The following KCND3 variants were observed in gnomAD, a reference collection of about 807,000 sequenced individuals.
KCND3 encodes A-type voltage-gated potassium channel KCND3.
A neutral mutation model predicts 51.1 loss-of-function variants in KCND3; 9 were observed. That is an observed-to-expected ratio of 0.18 (90% CI 0.11 to 0.31). The LOEUF is 0.31. Among genes scored for constraint, KCND3 ranks in the 10% least tolerant of loss-of-function variants. KCND3 has a pLI of 1.00. For synonymous variants in KCND3, 349 were observed against 368.0 expected (o/e 0.95, Z 0.59); for missense variants, 526 against 903.8 (o/e 0.58, Z 5.36).
At chr1:111,792,437 A>G (rs113236025) in intron 2 of KCND3, among the ~76,000 whole-genome samples, 4 of 152,316 alleles carry the variant, frequency 2.6e-5, no homozygotes, top group African/African-American at 9.6e-5. Flanking sequence ...AGGGAAGGAC[A>G]GAAGGGGAAG....
chr1:111,798,894 C>A (rs918015052), intron 2 of KCND3, among the ~76,000 whole-genome samples: 13 of 151,806 alleles, frequency 8.6e-5, no homozygotes, highest in Admixed American at 3.9e-4. Flanking sequence ...ATCTATCTCA[C>A]CTCCAATAAA....
At chr1:111,891,270 G>C (rs1669808441) in intron 2 of KCND3, among the ~76,000 whole-genome samples, 1 of 152,204 alleles carries the variant, frequency 6.6e-6, no homozygotes, top group African/African-American at 2.4e-5. Context: ...ATGGGCAAGA[G>C]ATGAATCAGA....
intron 2 of KCND3, among the ~76,000 whole-genome samples, chr1:111,816,739 C>T (rs1221237801): frequency 2.6e-5 from 4 of 152,246 alleles, no homozygotes; most frequent in Non-Finnish European, 5.9e-5. Flanking sequence ...TGTCTCAACT[C>T]ATACAACTAT....
chr1:111,961,164 G>A (rs750033812), intron 2 of KCND3, among the ~76,000 whole-genome samples: 8 of 152,196 alleles, frequency 5.3e-5, no homozygotes, highest in Non-Finnish European at 7.4e-5. Flanking sequence ...ATTCTGGCTG[G>A]CCACAGAGGG....
intron 7 of KCND3, 66 bp downstream of exon 7, chr1:111,776,960 C>CA: frequency 6.2e-7 from 1 of 1,609,008 alleles, no homozygotes; most frequent in Admixed American, 1.7e-5. Context: ...CCTAATGCTG[C>CA]AATTGTCTAA....
chr1:111,901,786 A>T (rs938588438), intron 2 of KCND3, among the ~76,000 whole-genome samples: 5 of 152,138 alleles, frequency 3.3e-5, no homozygotes, highest in African/African-American at 1.2e-4. Flanking sequence ...CAGGTTGTCC[A>T]CAGGCACCTC....
chr1:111,971,005 A>C (rs928545524), intron 2 of KCND3, among the ~76,000 whole-genome samples: 7 of 152,132 alleles, frequency 4.6e-5, no homozygotes, highest in Non-Finnish European at 7.4e-5. Flanking sequence ...TTTTTCTCCA[A>C]GGGAAAGGAA....
In KCND3 at chr1:111,944,108, A is replaced by G. The variant is rs568663102; in HGVS notation, c.1106+37513T>C. On this transcript the variant is annotated intron_variant, in intron 2 of 7. Transcript: ENST00000302127. ...ATATAAAAGAGGAGGGGAAAACTAC[A>G]TTAAAAATCCAATCAAGTGGCTGCC... is the stretch of plus-strand genomic sequence containing the variant. Among the ~76,000 whole-genome samples, 596 of 152,356 alleles carry G rather than the reference A, an allele frequency of 3.9e-3. 1 individual carries two copies. The highest frequency in any genetic ancestry group is 7.0e-3 in the Non-Finnish European group (476 of 68,028).
chr1:111,866,891 G>A (rs1169734129), intron 2 of KCND3, among the ~76,000 whole-genome samples: 1 of 152,190 alleles, frequency 6.6e-6, no homozygotes, highest in Non-Finnish European at 1.5e-5. Context: ...ACCAGTGCCA[G>A]CACCATTGGA....
chr1:111,951,868 G>A (rs1179597526), intron 2 of KCND3, among the ~76,000 whole-genome samples: 1 of 152,266 alleles, frequency 6.6e-6, no homozygotes, highest in East Asian at 1.9e-4. Context: ...GATAGTGTGG[G>A]AAGACGGAGA....
chr1:111,904,532 T>C (rs1670548540), intron 2 of KCND3, among the ~76,000 whole-genome samples: 1 of 152,186 alleles, frequency 6.6e-6, no homozygotes, highest in Non-Finnish European at 1.5e-5. Context: ...AATTGAGGAA[T>C]GTTAAGCCTT....
chr1:111,963,062 A>G (rs542411198), intron 2 of KCND3, among the ~76,000 whole-genome samples: 11 of 152,292 alleles, frequency 7.2e-5, no homozygotes, highest in African/African-American at 2.6e-4. Context: ...GCCACCAGAT[A>G]TGTGATTGAG....
At chr1:111,928,121 GTTA>G (rs2101853612) in intron 2 of KCND3, among the ~76,000 whole-genome samples, 2 of 152,136 alleles carry the variant, frequency 1.3e-5, no homozygotes, top group East Asian at 3.9e-4. Context: ...GTATCTCTAG[GTTA>G]TTAACTCCCA....
chr1:111,779,777 G>T (rs937197997), intron 5 of KCND3, among the ~76,000 whole-genome samples: 4 of 152,210 alleles, frequency 2.6e-5, no homozygotes, highest in Non-Finnish European at 5.9e-5. Context: ...CACGCTGTCT[G>T]CAGGAGGATG....
Position 111,780,758 on chromosome 1 carries a change from T to A in KCND3, c.1303A>T (p.Thr435Ser). Residue 435 changes from threonine to serine, a missense_variant, in exon 4 of 8, where the codon ACA (threonine) becomes TCA (serine). Physicochemically the swap from Thr to Ser is moderately conservative, Grantham distance 58 (BLOSUM62 1). This residue lies in a region of KCND3 where 266 missense variants were observed against 305.5 expected (regional missense o/e 0.87). Coordinates refer to ENST00000302127, the MANE Select transcript of KCND3 (RefSeq NM_001378969.1). The surrounding 1 kb of genome is among the most constrained non-coding windows in gnomAD (Gnocchi z 4.2). ...TGCAGGTATGCATTCGAACTGCCTGTTTTGGCCACACGGATCCTGGCAAGG... is the reference window on the plus strand; with the variant it reads ...TGCAGGTATGCATTCGAACTGCCTGATTTGGCCACACGGATCCTGGCAAGG... ...ARLARIRVAK[T>S]GSSNAYLHSK... 1 of 1,613,402 alleles carries A rather than the reference T, an allele frequency of 6.2e-7. No homozygotes were observed. The highest frequency in any genetic ancestry group is 8.5e-7 in the Non-Finnish European group (1 of 1,179,814).
intron 2 of KCND3, among the ~76,000 whole-genome samples, chr1:111,852,903 C>T (rs985193697): frequency 1.3e-5 from 2 of 152,186 alleles, no homozygotes; most frequent in African/African-American, 4.8e-5. Flanking sequence ...CCCCTGCTCT[C>T]CCACAGCACC....
At chr1:111,883,175 C>T (rs17028939) in intron 2 of KCND3, among the ~76,000 whole-genome samples, 14,972 of 152,338 alleles carry the variant, frequency 0.098, 758 homozygotes, top group East Asian at 0.18. Context: ...GGCATAACAG[C>T]GATTGTCCTC....
Position 111,897,340 on chromosome 1 carries a change from C to G in KCND3, c.1106+84281G>C, listed in dbSNP as rs927861184. On this transcript the variant is annotated intron_variant, in intron 2 of 7. Transcript: ENST00000302127. ...TTTGCCCTCTTTGCAATCTGCTCACCCCAGAAAAATATGGACTCAGCCCTT... is the reference window on the plus strand; with the variant it reads ...TTTGCCCTCTTTGCAATCTGCTCACGCCAGAAAAATATGGACTCAGCCCTT... 3.3e-5 allele frequency among the ~76,000 whole-genome samples: 5 copies of G among 152,236 alleles called. No homozygotes were observed. The East Asian group carries it at 5.8e-4, about 18-fold the overall frequency.
chr1:111,963,917 T>A (rs61790305), intron 2 of KCND3, among the ~76,000 whole-genome samples: 2,949 of 152,324 alleles, frequency 0.019, 39 homozygotes, highest in Middle Eastern at 0.037. Context: ...CCTCAGCTTC[T>A]CTCAGAATCA....
Sources: allele counts gnomAD v4.1 joint callset (sites outside exome capture counted in the v4.1 genomes callset), GRCh38; gene constraint gnomAD v4.1.1; regional missense constraint gnomAD v4.1.1; non-coding constraint Gnocchi (gnomAD v3.1); transcripts MANE v1.5; gene names NCBI Gene and HGNC (gene_info 2026-07-23, HGNC 2026-07-21).